The following LRRC53 variants were observed in gnomAD, a reference collection of about 807,000 sequenced individuals.
LRRC53 encodes leucine-rich repeat-containing protein 53.
Under a neutral mutation model 13.6 loss-of-function variants are expected in LRRC53, and 25 were observed. That is an observed-to-expected ratio of 1.83 (90% CI 1.34 to 2.56). The LOEUF (loss-of-function observed/expected upper bound fraction) is 2.56. Among genes scored for constraint, LRRC53 ranks in the 30% most tolerant of loss-of-function variants. The probability of loss-of-function intolerance (pLI) is 0.00; values close to 1 mark genes in which losing one functional copy is unlikely to be tolerated. For synonymous variants in LRRC53, 204 were observed against 109.8 expected (o/e 1.86, Z -5.37); for missense variants, 527 against 275.8 (o/e 1.91, Z -6.45).
chr1:74,485,924 A>G (rs2100278819), intron 1 of LRRC53, among the ~76,000 whole-genome samples: 1 of 152,266 alleles, frequency 6.6e-6, no homozygotes, highest in Admixed American at 6.5e-5. Flanking sequence ...GCCTCAGATG[A>G]GAATCACAGT....
intron 1 of LRRC53, among the ~76,000 whole-genome samples, chr1:74,503,529 G>T (rs527899172): frequency 6.6e-6 from 1 of 152,262 alleles, no homozygotes; most frequent in African/African-American, 2.4e-5. Flanking sequence ...TATGGATCTT[G>T]TATGTATAAT....
intron 1 of LRRC53, among the ~76,000 whole-genome samples, chr1:74,504,800 T>C (rs1557613042): frequency 6.6e-6 from 1 of 152,172 alleles, no homozygotes; most frequent in Non-Finnish European, 1.5e-5. Flanking sequence ...TGTTCTTTTC[T>C]ATCCGTCAGC....
chr1:74,489,629 G>A (rs45525942), intron 1 of LRRC53, among the ~76,000 whole-genome samples: 135 of 152,172 alleles, frequency 8.9e-4, no homozygotes, highest in African/African-American at 2.7e-3. Context: ...CATTCAATGC[G>A]AAAAGAAAAA....
chr1:74,496,440 G>A (rs781758179), intron 1 of LRRC53, among the ~76,000 whole-genome samples: 7 of 152,194 alleles, frequency 4.6e-5, no homozygotes, highest in African/African-American at 7.2e-5. Flanking sequence ...ATCAGTACAA[G>A]GTTTTTCCTA....
At chr1:74,503,987 C>T (rs1669763602) in intron 1 of LRRC53, among the ~76,000 whole-genome samples, 1 of 152,178 alleles carries the variant, frequency 6.6e-6, no homozygotes, top group Non-Finnish European at 1.5e-5. Flanking sequence ...AAAGTTAAAA[C>T]TATCTCCATG....
intron 4 of LRRC53, among the ~76,000 whole-genome samples, chr1:74,473,434 GGAA>G (rs1453766853): frequency 6.6e-6 from 1 of 151,886 alleles, no homozygotes; most frequent in Admixed American, 6.6e-5. Flanking sequence ...TTCATCCAGA[GGAA>G]GAAGTTTTTT....
At chr1:74,516,362 A>C (rs534040828), upstream of LRRC53, among the ~76,000 whole-genome samples, 6 of 152,330 alleles carry the variant, frequency 3.9e-5, no homozygotes, top group Middle Eastern at 3.4e-3. Context: ...AATAAAGGAA[A>C]AATAAGACAT....
At chr1:74,524,377 T>A in the LRRC53 span, among the ~76,000 whole-genome samples, 9 of 152,318 alleles carry the variant, frequency 5.9e-5, no homozygotes, top group African/African-American at 2.2e-4. Context: ...CTTCTGCACC[T>A]GACACTGTGC....
At chr1:74,511,400 CCTCGAACTCCTGGT>C (rs1049777119) in intron 1 of LRRC53, among the ~76,000 whole-genome samples, 1 of 152,164 alleles carries the variant, frequency 6.6e-6, no homozygotes. Context: ...GCCATGTTGG[CCTCGAACTCCTGGT>C]CTCGAACTCC....
At chr1:74,503,522 G>GGATCTTGTAT (rs1553153544) in intron 1 of LRRC53, among the ~76,000 whole-genome samples, 1 of 152,068 alleles carries the variant, frequency 6.6e-6, no homozygotes, top group Non-Finnish European at 1.5e-5. Context: ...TAAGTTCTAT[G>GGATCTTGTAT]GATCTTGTAT....
At chr1:74,505,062 A>C (rs572402464) in intron 1 of LRRC53, among the ~76,000 whole-genome samples, 1 of 152,206 alleles carries the variant, frequency 6.6e-6, no homozygotes, top group Non-Finnish European at 1.5e-5. Context: ...TGAGGTTTTC[A>C]TTCCTGAAAA....
chr1:74,473,530 C>T (rs992744295), intron 4 of LRRC53, among the ~76,000 whole-genome samples: 1 of 99,826 alleles, frequency 1.0e-5, no homozygotes, highest in African/African-American at 3.8e-5. Flanking sequence ...ATTTAAAAGG[C>T]TATTTTTTTT....
chr1:74,498,765 CT>C (rs1313022683), intron 1 of LRRC53, among the ~76,000 whole-genome samples: 2 of 152,072 alleles, frequency 1.3e-5, no homozygotes, highest in African/African-American at 4.8e-5. Context: ...CAATATATTT[CT>C]TTTTTAATTA....
chr1:74,522,386 C>G, the LRRC53 span, among the ~76,000 whole-genome samples: 1 of 152,052 alleles, frequency 6.6e-6, no homozygotes, highest in African/African-American at 2.4e-5. Flanking sequence ...TCAGATTACC[C>G]GTTCCCTAGA....
chr1:74,471,741 T>C lies in LRRC53; in HGVS notation c.1881A>G (p.Thr627=), dbSNP rs998157147. The part of the protein sequence containing the change: ...EDNIDLSGLS[T]KTKKAYSPKR... ...TTGGGGAATATGCTTTCTTGGTTTT[T>C]GTTGATAATCCTGATAAATCTATGT... Residue 627 remains threonine, a synonymous_variant, in exon 5 of 5, where the codon ACA becomes ACG. Transcript: ENST00000294635. 41 of 403,250 alleles carry C rather than the reference T, an allele frequency of 1.0e-4. No homozygotes were observed. The highest frequency in any genetic ancestry group is 8.2e-4 in the African/African-American group (40 of 48,826). 25.0% of individuals were successfully genotyped at this position (403,250 alleles called of 1,614,324 possible).
At position 74,502,287 on chromosome 1, in the gene LRRC53, T is replaced by G. The variant is rs72977502; in HGVS notation, c.-27+10239A>C. The stretch of plus-strand genomic sequence containing the variant: ...AGTACTTAGAACAGTGCCCGGTACA[T>G]GGTAGGTGCCAAACACCTATTTGTG... On this transcript the variant is annotated intron_variant, in intron 1 of 4. Coordinates refer to ENST00000294635, the MANE Select transcript of LRRC53 (RefSeq NM_001382280.1). Among the ~76,000 whole-genome samples, 220 of 152,296 alleles carry G rather than the reference T, an allele frequency of 1.4e-3. 2 individuals carry two copies. The highest frequency in any genetic ancestry group is 5.0e-3 in the African/African-American group (206 of 41,550).
chr1:74,521,267 A>G, the LRRC53 span, among the ~76,000 whole-genome samples: 5 of 152,166 alleles, frequency 3.3e-5, no homozygotes, highest in South Asian at 2.1e-4. Flanking sequence ...GCCCAAGCTC[A>G]TTAACTTCTT....
chr1:74,481,147 A>G (rs1189035090), intron 2 of LRRC53, among the ~76,000 whole-genome samples, 179 bp from the exon 3 acceptor site: 2 of 152,216 alleles, frequency 1.3e-5, no homozygotes, highest in African/African-American at 2.4e-5. Flanking sequence ...AGCTGGCTAT[A>G]TATCAAAATG....
chr1:74,527,704 G>A, the LRRC53 span, among the ~76,000 whole-genome samples: 1 of 152,208 alleles, frequency 6.6e-6, no homozygotes, highest in Non-Finnish European at 1.5e-5. Flanking sequence ...TGGAATCAGG[G>A]AGGTGACATA....
Sources: gnomAD v4.1 joint callset for allele counts (sites outside exome capture counted in the v4.1 genomes callset) on GRCh38, gnomAD v4.1.1 for gene constraint, MANE v1.5 for transcripts, NCBI Gene and HGNC (gene_info 2026-07-23, HGNC 2026-07-21) for gene names.